EML1: variants seen among roughly 807,000 people sequenced by gnomAD.
EML1 encodes the protein echinoderm microtubule-associated protein-like 1.
EML1 carries 27 observed loss-of-function variants against 110.4 expected under a neutral mutation model. The observed-to-expected ratio is 0.24, with a 90% CI of 0.18 to 0.34. The LOEUF is 0.34. Ranked by LOEUF, EML1 falls within the 10% of genes least tolerant of loss-of-function variation. EML1 has a pLI of 1.00. For missense variants in EML1, 741 were observed against 1,030.9 expected, an observed-to-expected ratio of 0.72 and a Z score of 3.85; for synonymous variants, 344 against 385.8, an observed-to-expected ratio of 0.89 and a Z score of 1.27.
At chr14:99,900,600 CTTGTCATTT>C (rs535152140) in intron 8 of EML1, among the ~76,000 whole-genome samples, 1 of 152,174 alleles carries the variant, frequency 6.6e-6, no homozygotes, top group Non-Finnish European at 1.5e-5. Context: ...TTCCATTTTA[CTTGTCATTT>C]TTCATTTCTA....
chr14:99,858,073 C>G (rs1016670883), intron 2 of EML1, among the ~76,000 whole-genome samples: 1 of 152,108 alleles, frequency 6.6e-6, no homozygotes, highest in Non-Finnish European at 1.5e-5. Flanking sequence ...TTTCAGGTTT[C>G]TGGACAGTAG....
intron 2 of EML1, among the ~76,000 whole-genome samples, chr14:99,855,279 TTAAA>T (rs1349908416): frequency 3.3e-5 from 5 of 152,262 alleles, no homozygotes; most frequent in African/African-American, 1.2e-4. Flanking sequence ...TTATGAATTT[TTAAA>T]TACTTTTAGT....
In EML1 at chr14:99,914,755, A is replaced by G. The variant is rs535623788; in HGVS notation, c.1752+58A>G. On this transcript the variant is annotated intron_variant, in intron 15 of 21. Coordinates refer to ENST00000262233, the MANE Select transcript of EML1 (RefSeq NM_004434.3). ...ACAGAAATTCATCTGGAACATGTTT[A>G]TTTATTTTTTGCATGAAATCAACAG... 7.4e-5 allele frequency: 114 copies of G among 1,538,830 alleles called. 1 individual carries two copies. In the South Asian group the frequency reaches 9.4e-4, roughly 13 times the overall value.
In EML1 at chr14:99,911,038, C is replaced by G. The variant is rs145220379; in HGVS notation, c.1340-384C>G. ...CTCTAGGTGTCTTATTCACTGCTCA[C>G]TTAATCCTTAGAACAATCCTGCAGG... On this transcript the variant is annotated intron_variant, in intron 12 of 21. Coordinates refer to ENST00000262233, the MANE Select transcript of EML1 (RefSeq NM_004434.3). Among the ~76,000 whole-genome samples the G allele has an allele frequency of 2.6e-3, 397 of 152,286 alleles. 4 individuals are homozygous for G. The highest frequency in any genetic ancestry group is 8.9e-3 in the African/African-American group (369 of 41,554).
At chr14:99,774,314 C>T (rs1040116641) in intron 1 of EML1, among the ~76,000 whole-genome samples, 2 of 152,160 alleles carry the variant, frequency 1.3e-5, no homozygotes, top group Non-Finnish European at 2.9e-5. Context: ...CACCCTAACC[C>T]GCATCCACGC....
intron 1 of EML1, among the ~76,000 whole-genome samples, chr14:99,813,355 T>A (rs12898089): frequency 2.0e-5 from 3 of 151,996 alleles, no homozygotes; most frequent in African/African-American, 7.3e-5. Context: ...ATAGTGTTTT[T>A]GTTGTAGAAA....
At chr14:99,831,567 G>A (rs996937459) in intron 1 of EML1, among the ~76,000 whole-genome samples, 1 of 152,136 alleles carries the variant, frequency 6.6e-6, no homozygotes, top group African/African-American at 2.4e-5. Context: ...ACACTTCTGT[G>A]CTGGCTGCTG....
At chr14:99,910,878 C>G (rs2059934770) in intron 12 of EML1, among the ~76,000 whole-genome samples, 1 of 152,018 alleles carries the variant, frequency 6.6e-6, no homozygotes, top group African/African-American at 2.4e-5. Context: ...TACCCCGTGA[C>G]AAGAAAAAAG....
At chr14:99,861,105 T>G (rs898910702) in intron 2 of EML1, among the ~76,000 whole-genome samples, 5 of 152,264 alleles carry the variant, frequency 3.3e-5, no homozygotes, top group African/African-American at 1.2e-4. Flanking sequence ...AATGGCAACA[T>G]AATGTCTGCT....
chr14:99,840,177 T>C (rs915549090), intron 1 of EML1, among the ~76,000 whole-genome samples: 1 of 152,258 alleles, frequency 6.6e-6, no homozygotes, highest in Non-Finnish European at 1.5e-5. Flanking sequence ...AGGGTTATTA[T>C]TTGTTACTGC....
intron 9 of EML1, among the ~76,000 whole-genome samples, 153 bp downstream of exon 9, chr14:99,901,192 A>T (rs1181209266): frequency 6.6e-6 from 1 of 152,182 alleles, no homozygotes; most frequent in African/African-American, 2.4e-5. Context: ...AGAACCCCTC[A>T]GTCAGAGGTC....
chr14:99,874,432 T>C (rs1179254660), intron 3 of EML1, among the ~76,000 whole-genome samples: 1 of 152,222 alleles, frequency 6.6e-6, no homozygotes, highest in Non-Finnish European at 1.5e-5. Context: ...CCAGTACTTC[T>C]ACCACTTTCA....
rs2058384476 is a variant in EML1 at position 99,827,780 on chromosome 14, G to T, written c.68-23073G>T. Among the ~76,000 whole-genome samples, 2 of 152,138 alleles carry T rather than the reference G, an allele frequency of 1.3e-5. No homozygotes were observed. The highest frequency in any genetic ancestry group is 4.8e-5 in the African/African-American group (2 of 41,432). ...TTGATCTCAGATGTCCAGCCTCCAGGATTGTTTAAGCCCCCCAGTCTGTAG... is the reference window on the plus strand; with the variant it reads ...TTGATCTCAGATGTCCAGCCTCCAGTATTGTTTAAGCCCCCCAGTCTGTAG... On this transcript the variant is annotated intron_variant, in intron 1 of 21. Transcript: ENST00000262233. This position sits in a 1 kb window ranked among gnomAD's most constrained non-coding sequence, Gnocchi z 4.4.
At chr14:99,761,331 C>T (rs2057311747) in intron 1 of EML1, among the ~76,000 whole-genome samples, 1 of 152,146 alleles carries the variant, frequency 6.6e-6, no homozygotes, top group African/African-American at 2.4e-5. Flanking sequence ...TGTAGGGACC[C>T]TATTAATATT....
At chr14:99,934,943 C>T (rs2060441443) in intron 17 of EML1, among the ~76,000 whole-genome samples, 1 of 152,146 alleles carries the variant, frequency 6.6e-6, no homozygotes, top group Non-Finnish European at 1.5e-5. Context: ...CTTAGGCCCT[C>T]CCAGAACCAG....
At chr14:99,809,043 G>A (rs1002787104) in intron 1 of EML1, among the ~76,000 whole-genome samples, 1 of 152,152 alleles carries the variant, frequency 6.6e-6, no homozygotes, top group African/African-American at 2.4e-5. Context: ...AGGTTTCTTT[G>A]AACTATACCA....
intron 4 of EML1, among the ~76,000 whole-genome samples, chr14:99,882,667 A>G (rs925160399): frequency 1.1e-4 from 17 of 151,138 alleles, no homozygotes; most frequent in African/African-American, 3.9e-4. Context: ...AAAAAAAAAA[A>G]AAAAAAAAGA....
chr14:99,834,135 A>G (rs2058502755), intron 1 of EML1, among the ~76,000 whole-genome samples: 1 of 152,144 alleles, frequency 6.6e-6, no homozygotes, highest in South Asian at 2.1e-4. Flanking sequence ...GATTTTGTCA[A>G]ATGCTTTTTC....
chr14:99,783,044 A>C (rs972658001), intron 1 of EML1, among the ~76,000 whole-genome samples: 34 of 151,886 alleles, frequency 2.2e-4, no homozygotes, highest in African/African-American at 7.5e-4. Flanking sequence ...GCACAACATG[A>C]AGGTTTATTA....
Sources: gnomAD v4.1 joint callset for allele counts (sites outside exome capture counted in the v4.1 genomes callset) on GRCh38, gnomAD v4.1.1 for gene constraint, Gnocchi (gnomAD v3.1) non-coding constraint, MANE v1.5 for transcripts, NCBI Gene and HGNC (gene_info 2026-07-23, HGNC 2026-07-21) for gene names.